SLC6A6: variants seen among roughly 807,000 people sequenced by gnomAD.
The protein encoded by SLC6A6 is solute carrier family 6 member 6, also known as sodium- and chloride-dependent taurine transporter.
A neutral mutation model predicts 68.8 loss-of-function variants in SLC6A6; 16 were observed. That is an observed-to-expected ratio of 0.23 (90% CI 0.16 to 0.35). The LOEUF is 0.35. Ranked by LOEUF, SLC6A6 falls within the 10% of genes least tolerant of loss-of-function variation. SLC6A6 has a pLI of 1.00. For missense variants in SLC6A6, 474 were observed against 802.8 expected (o/e 0.59, Z 4.95); for synonymous variants, 312 against 315.4 (o/e 0.99, Z 0.12).
At chr3:14,426,867 A>G (rs1322940448) in intron 2 of SLC6A6, among the ~76,000 whole-genome samples, 1 of 152,142 alleles carries the variant, frequency 6.6e-6, no homozygotes, top group African/African-American at 2.4e-5. Context: ...GCACCTGAGG[A>G]TGAGCAGGAA....
chr3:14,467,468 T>C (rs1700647530), intron 7 of SLC6A6, among the ~76,000 whole-genome samples: 2 of 152,280 alleles, frequency 1.3e-5, no homozygotes, highest in South Asian at 4.2e-4. Context: ...CTGGGCTGAA[T>C]CGCCACTCTT....
chr3:14,433,476 G>A (rs1005253816), intron 2 of SLC6A6, among the ~76,000 whole-genome samples: 6 of 152,072 alleles, frequency 3.9e-5, no homozygotes, highest in African/African-American at 9.7e-5. Flanking sequence ...CCAGGCGGCC[G>A]AGGTGTGGGG....
chr3:14,454,283 C>CAG (rs3084925), intron 5 of SLC6A6, among the ~76,000 whole-genome samples: 67,018 of 151,854 alleles, frequency 0.44, 15,176 homozygotes, highest in African/African-American at 0.54. Flanking sequence ...GGGGCAGAGA[C>CAG]TGTGCTGGGA....
intron 1 of SLC6A6, among the ~76,000 whole-genome samples, chr3:14,405,087 T>G (rs1025842000): frequency 6.6e-6 from 1 of 152,256 alleles, no homozygotes; most frequent in African/African-American, 2.4e-5. Flanking sequence ...CTGTGAGTTT[T>G]GGCCCCATGG....
chr3:14,437,008 A>G (rs1333574802), intron 2 of SLC6A6, among the ~76,000 whole-genome samples: 1 of 151,546 alleles, frequency 6.6e-6, no homozygotes, highest in African/African-American at 2.4e-5. Flanking sequence ...CATGGACTTC[A>G]GAGGCCAAGA....
Position 14,468,286 on chromosome 3 carries a change from C to G in SLC6A6, c.1096+74C>G. 2 of 1,401,670 alleles carry G rather than the reference C, an allele frequency of 1.4e-6. No individual in the cohort carries two copies. Among genetic ancestry groups the G allele is most frequent in the South Asian group, 1.3e-5 (1 of 75,382 alleles). 86.8% of individuals were successfully genotyped at this position (1,401,670 alleles called of 1,614,324 possible). On this transcript the variant is annotated intron_variant, in intron 9 of 14. Coordinates refer to ENST00000622186, the MANE Select transcript of SLC6A6 (RefSeq NM_003043.6). This position sits in a 1 kb window ranked among gnomAD's most constrained non-coding sequence, Gnocchi z 4.5. ...TAAGCCAAGTACTGCAGGCATGAAG[C>G]CAGACCCCAGGGGGCTTTGAGGGGG...
At chr3:14,431,639 G>A (rs1459187205) in intron 2 of SLC6A6, among the ~76,000 whole-genome samples, 4 of 152,156 alleles carry the variant, frequency 2.6e-5, no homozygotes, top group East Asian at 1.9e-4. Flanking sequence ...CCTAGGAATC[G>A]GCTTCCAGTT....
chr3:14,472,960 C>T lies in SLC6A6; in HGVS notation c.1209+643C>T, dbSNP rs1700788080. Among the ~76,000 whole-genome samples the T allele has an allele frequency of 6.6e-6, 1 of 152,228 alleles. No homozygotes were observed. The highest frequency in any genetic ancestry group is 1.5e-5 in the Non-Finnish European group (1 of 68,040). On this transcript the variant is annotated intron_variant, in intron 10 of 14. Transcript: ENST00000622186. The surrounding 1 kb of genome is among the most constrained non-coding windows in gnomAD (Gnocchi z 4.5). The stretch of plus-strand genomic sequence containing the variant: ...ACCTCTGGCTGTCCTGGCTTCTCCC[C>T]TCCCAAGGCAGGACTCCTGTCTCCA...
intron 9 of SLC6A6, among the ~76,000 whole-genome samples, chr3:14,471,130 C>CTTTTTTTTTTTTTTTTTTTTTTTTTTT (rs754511089): frequency 1.2e-5 from 1 of 83,122 alleles, no homozygotes; most frequent in African/African-American, 4.9e-5. Context: ...TGCTTCTTGA[C>CTTTTTTTTTTTTTTTTTTTTTTTTTTT]TTTTTTTTTT....
In SLC6A6 at chr3:14,427,996, G is replaced by A. The variant is rs1699639599; in HGVS notation, c.-12+11543G>A. Among the ~76,000 whole-genome samples, 13 of 152,316 alleles carry A rather than the reference G, an allele frequency of 8.5e-5. 1 individual carries two copies. The South Asian group carries it at 2.7e-3, about 32-fold the overall frequency. ...GCTCCTCCACTCTGCTTTCTGCCCT[G>A]AGATGCTCCCCTAACTGTATCCTAA... On this transcript the variant is annotated intron_variant, in intron 2 of 14. Coordinates refer to ENST00000622186, the MANE Select transcript of SLC6A6 (RefSeq NM_003043.6).
rs1701267822 is a variant in SLC6A6, at chr3:14,489,279, CT to C, written c.*4275del. ...ATGTATATCAATATTTTAAATTCATCTTTGCTTTTTTTAGAGGAGTTTGTAA... is the reference window on the plus strand; with the variant it reads ...ATGTATATCAATATTTTAAATTCATCTTGCTTTTTTTAGAGGAGTTTGTAA... On this transcript the variant is annotated 3_prime_UTR_variant, in exon 15 of 15. Coordinates refer to ENST00000622186, the MANE Select transcript of SLC6A6 (RefSeq NM_003043.6). 6.6e-6 allele frequency: 1 copy of C among 152,414 alleles called. No homozygotes were observed. Among genetic ancestry groups the C allele is most frequent in the African/African-American group, 2.4e-5 (1 of 41,370 alleles). The allele number at this position is 152,414 out of a possible 1,614,324, so 9.4% of individuals were successfully genotyped here.
At chr3:14,419,831 G>T (rs905253613) in intron 2 of SLC6A6, among the ~76,000 whole-genome samples, 2 of 152,024 alleles carry the variant, frequency 1.3e-5, no homozygotes, top group African/African-American at 4.8e-5. Context: ...CAGCTATGGG[G>T]CTGAGTCCAG....
chr3:14,417,458 G>A (rs147192654), intron 2 of SLC6A6, among the ~76,000 whole-genome samples: 11 of 150,756 alleles, frequency 7.3e-5, no homozygotes, highest in Middle Eastern at 3.7e-3. Context: ...CAGGCCGGGC[G>A]CCGTGGCTCA....
intron 4 of SLC6A6, among the ~76,000 whole-genome samples, chr3:14,446,088 A>G (rs1700114955): frequency 6.6e-6 from 1 of 152,212 alleles, no homozygotes; most frequent in South Asian, 2.1e-4. Flanking sequence ...AAGGCCCAGC[A>G]TGCCCACTTC....
chr3:14,466,958 C>A (rs893044773), intron 7 of SLC6A6, among the ~76,000 whole-genome samples: 1 of 152,194 alleles, frequency 6.6e-6, no homozygotes, highest in Non-Finnish European at 1.5e-5. Flanking sequence ...GCAAGTCTCC[C>A]GCTCGGACCC....
chr3:14,459,466 AAC>A (rs1303721903), intron 6 of SLC6A6, among the ~76,000 whole-genome samples: 1 of 152,032 alleles, frequency 6.6e-6, no homozygotes, highest in East Asian at 1.9e-4. Flanking sequence ...ACCCCCCTCC[AAC>A]ACACACAGTG....
chr3:14,453,158 C>T (rs961081471), intron 5 of SLC6A6, among the ~76,000 whole-genome samples: 4 of 152,158 alleles, frequency 2.6e-5, no homozygotes, highest in African/African-American at 9.7e-5. Flanking sequence ...AAATGGCTGG[C>T]GTGCAGTCAA....
intron 1 of SLC6A6, among the ~76,000 whole-genome samples, chr3:14,403,557 ATAGGGCAGCG>A (rs1487724753): frequency 6.6e-6 from 1 of 152,042 alleles, no homozygotes; most frequent in African/African-American, 2.4e-5. Flanking sequence ...GGGAGAGGTG[ATAGGGCAGCG>A]TGGCTCCATA....
intron 1 of SLC6A6, among the ~76,000 whole-genome samples, chr3:14,412,382 A>G (rs1699269870): frequency 6.6e-6 from 1 of 152,206 alleles, no homozygotes; most frequent in Non-Finnish European, 1.5e-5. Context: ...TTTTAAAAAA[A>G]GAAAAGCAAA....
Sources: gnomAD v4.1 joint callset for allele counts (sites outside exome capture counted in the v4.1 genomes callset) on GRCh38, gnomAD v4.1.1 for gene constraint, Gnocchi (gnomAD v3.1) non-coding constraint, MANE v1.5 for transcripts, NCBI Gene and HGNC (gene_info 2026-07-23, HGNC 2026-07-21) for gene names.